Variants in GRID1 observed in about 807,000 individuals in gnomAD.
The protein encoded by GRID1 is glutamate receptor ionotropic, delta-1.
In GRID1, 28 loss-of-function variants were observed where a neutral mutation model predicts 98.0. The observed-to-expected ratio is 0.29, with a 90% CI of 0.21 to 0.39. The LOEUF (loss-of-function observed/expected upper bound fraction) is 0.39, where lower values mean the gene tolerates loss of function less well. Among genes scored for constraint, GRID1 ranks in the 10% least tolerant of loss-of-function variants. GRID1 has a pLI of 1.00. For synonymous variants in GRID1, 553 were observed against 538.5 expected, an observed-to-expected ratio of 1.03 and a Z score of -0.37; for missense variants, 1,111 against 1,340.5, an observed-to-expected ratio of 0.83 and a Z score of 2.67.
At chr10:85,745,749 G>C (rs2132679231) in intron 8 of GRID1, among the ~76,000 whole-genome samples, 1 of 150,714 alleles carries the variant, frequency 6.6e-6, no homozygotes, top group Non-Finnish European at 1.5e-5. Context: ...AGTAATTGTA[G>C]TGTCACAAAC....
intron 4 of GRID1, among the ~76,000 whole-genome samples, chr10:85,934,944 G>A (rs182373915): frequency 6.6e-6 from 1 of 152,286 alleles, no homozygotes; most frequent in East Asian, 1.9e-4. Context: ...AGCTTTTCTG[G>A]TTATTTTCAT....
intron 15 of GRID1, among the ~76,000 whole-genome samples, chr10:85,612,538 C>T (rs1426057541): frequency 6.6e-6 from 1 of 152,046 alleles, no homozygotes; most frequent in Non-Finnish European, 1.5e-5. Context: ...TATCCATCTG[C>T]ACCCACAGAG....
intron 2 of GRID1, among the ~76,000 whole-genome samples, chr10:86,362,861 C>A (rs1276036217): frequency 6.6e-6 from 1 of 152,062 alleles, no homozygotes; most frequent in Non-Finnish European, 1.5e-5. Flanking sequence ...GAGCTCTTAG[C>A]CAGCCCACCT....
intron 4 of GRID1, among the ~76,000 whole-genome samples, chr10:86,086,660 G>A (rs1844062496): frequency 6.6e-6 from 1 of 152,178 alleles, no homozygotes; most frequent in Non-Finnish European, 1.5e-5. Context: ...ATATGTGCAG[G>A]AGTGTGCACA....
intron 5 of GRID1, among the ~76,000 whole-genome samples, chr10:85,880,232 A>T (rs748461354): frequency 2.6e-5 from 4 of 152,238 alleles, no homozygotes; most frequent in Admixed American, 6.5e-5. Flanking sequence ...AAACTATTCC[A>T]ATCAACAGAA....
At chr10:85,827,504 C>T (rs1402310598) in intron 8 of GRID1, among the ~76,000 whole-genome samples, 1 of 152,130 alleles carries the variant, frequency 6.6e-6, no homozygotes, top group South Asian at 2.1e-4. Context: ...GAGACCAAAT[C>T]TATGACTCAT....
At chr10:86,223,697 G>A (rs531454086) in intron 2 of GRID1, among the ~76,000 whole-genome samples, 1 of 152,396 alleles carries the variant, frequency 6.6e-6, no homozygotes, top group South Asian at 2.1e-4. Context: ...GCCCATGGGA[G>A]TGGGCAATCC....
chr10:86,156,504 GGGTGAGGGAATTGACCGATCTACA>G (rs1845247900), intron 3 of GRID1, among the ~76,000 whole-genome samples: 1 of 152,202 alleles, frequency 6.6e-6, no homozygotes, highest in South Asian at 2.1e-4. Flanking sequence ...GGGGAAGCTG[GGGTGAGGGAATTGACCGATCTACA>G]GGTGAAGAAA....
chr10:85,647,664 G>A, intron 12 of GRID1: 1 of 395,606 alleles, frequency 2.5e-6, no homozygotes, highest in Non-Finnish European at 4.7e-6. Flanking sequence ...TGAACTGGAG[G>A]GATAAAAGGA....
At chr10:86,325,962 TA>T (rs1185978961) in intron 2 of GRID1, among the ~76,000 whole-genome samples, 1 of 152,218 alleles carries the variant, frequency 6.6e-6, no homozygotes, top group Non-Finnish European at 1.5e-5. Flanking sequence ...TTGTAGCAAA[TA>T]TAGGTATCTA....
At chr10:85,977,002 A>T (rs1346937066) in intron 4 of GRID1, among the ~76,000 whole-genome samples, 1 of 152,220 alleles carries the variant, frequency 6.6e-6, no homozygotes, top group Non-Finnish European at 1.5e-5. Context: ...GGGTTCCAGC[A>T]CAGTCTTCTA....
At chr10:85,903,373 G>C (rs1841415355) in intron 5 of GRID1, among the ~76,000 whole-genome samples, 1 of 152,100 alleles carries the variant, frequency 6.6e-6, no homozygotes, top group Admixed American at 6.6e-5. Context: ...TAATCCAACA[G>C]CAAATCTTAT....
intron 2 of GRID1, among the ~76,000 whole-genome samples, chr10:86,299,368 T>C (rs534838874): frequency 3.3e-5 from 5 of 149,826 alleles, no homozygotes; most frequent in Non-Finnish European, 7.4e-5. Flanking sequence ...ACTTCTAGGG[T>C]ACATGTGCAC....
chr10:85,940,066 C>CAAA (rs34122685), intron 4 of GRID1, among the ~76,000 whole-genome samples: 2 of 99,392 alleles, frequency 2.0e-5, no homozygotes, highest in African/African-American at 3.9e-5. Context: ...GACTCCCTCT[C>CAAA]AAAAAAAAAA....
At chr10:86,364,646 T>C (rs1848649716) in intron 1 of GRID1, among the ~76,000 whole-genome samples, 1 of 152,216 alleles carries the variant, frequency 6.6e-6, no homozygotes, top group Non-Finnish European at 1.5e-5. Context: ...GGCAGGGGCT[T>C]CGGATGGCCT....
intron 8 of GRID1, among the ~76,000 whole-genome samples, chr10:85,764,180 G>C (rs533136756): frequency 6.6e-6 from 1 of 152,242 alleles, no homozygotes; most frequent in South Asian, 2.1e-4. Context: ...ATCCTTCCCA[G>C]GCCAAGGGGC....
intron 4 of GRID1, among the ~76,000 whole-genome samples, chr10:86,135,747 C>T (rs570238331): frequency 4.6e-5 from 7 of 152,190 alleles, no homozygotes; most frequent in Admixed American, 1.3e-4. Context: ...CCTCGTGAAG[C>T]GGAATCACAG....
chr10:85,684,926 C>T (rs1460332690), intron 12 of GRID1, among the ~76,000 whole-genome samples: 1 of 152,164 alleles, frequency 6.6e-6, no homozygotes, highest in Non-Finnish European at 1.5e-5. Context: ...CATTAGGGCT[C>T]CAGCCATATG....
At chr10:86,298,095 A>G (rs1278832837) in intron 2 of GRID1, among the ~76,000 whole-genome samples, 2 of 152,262 alleles carry the variant, frequency 1.3e-5, no homozygotes, top group Non-Finnish European at 2.9e-5. Context: ...ACTGCTTCAA[A>G]AAGATGTTCA....
Sources: gnomAD v4.1 joint callset for allele counts (sites outside exome capture counted in the v4.1 genomes callset) on GRCh38, gnomAD v4.1.1 for gene constraint, MANE v1.5 for transcripts, NCBI Gene and HGNC (gene_info 2026-07-23, HGNC 2026-07-21) for gene names.